ZNF780A: variants seen among roughly 807,000 people sequenced by gnomAD.
The protein encoded by ZNF780A is zinc finger protein 780A.
Under a neutral mutation model 56.7 loss-of-function variants are expected in ZNF780A, and 40 were observed. The observed-to-expected ratio is 0.71, with a 90% CI of 0.55 to 0.92. The LOEUF (loss-of-function observed/expected upper bound fraction) is 0.92. Among genes scored for constraint, ZNF780A ranks in the 40% least tolerant of loss-of-function variants. The pLI is 0.00. For synonymous variants in ZNF780A, 231 were observed against 248.3 expected, an observed-to-expected ratio of 0.93 and a Z score of 0.66; for missense variants, 672 against 783.3, an observed-to-expected ratio of 0.86 and a Z score of 1.70.
intron 4 of ZNF780A, 115 bp downstream of exon 4, chr19:40,082,996 G>C (rs1974567416): frequency 1.3e-6 from 2 of 1,547,574 alleles, no homozygotes; most frequent in Admixed American, 3.5e-5. Context: ...CATTCCTTTG[G>C]GAACAAGAAG....
intron 5 of ZNF780A, 146 bp from the exon 6 acceptor site, chr19:40,076,355 A>C: frequency 1.3e-6 from 1 of 772,502 alleles, no homozygotes; most frequent in Non-Finnish European, 1.9e-6. Context: ...TGGTAGATAG[A>C]ACCTTTCTCA....
chr19:40,087,187 A>T (rs1022970226), intron 2 of ZNF780A, among the ~76,000 whole-genome samples: 5 of 152,210 alleles, frequency 3.3e-5, no homozygotes, highest in African/African-American at 9.7e-5. Context: ...TTTATACAAG[A>T]TCATTTACAA....
At position 40,081,873 on chromosome 19, in the gene ZNF780A, G is replaced by T; in HGVS notation, c.178C>A (p.Gln60Lys). Residue 60 changes from glutamine to lysine, a missense_variant, in exon 5 of 6, where the codon CAA becomes AAA. Gln to Lys is a moderately conservative substitution (Grantham distance 53). Transcript: ENST00000683561. ...SKPDVITLLE[Q>K]EKEPWMVVRK... ...ACAACCATCCAGGGCTCTTTCTCTT[G>T]CTCTAGTAACGTAATTACATCTGGT... 1 of 1,612,376 alleles carries T rather than the reference G, an allele frequency of 6.2e-7. No individual in the cohort carries two copies. The highest frequency in any genetic ancestry group is 8.5e-7 in the Non-Finnish European group (1 of 1,179,116).
chr19:40,088,063 A>G (rs989570255), intron 2 of ZNF780A, among the ~76,000 whole-genome samples: 10 of 152,188 alleles, frequency 6.6e-5, no homozygotes, highest in African/African-American at 2.4e-4. Context: ...AACAAATAGA[A>G]GAAAACATAG....
chr19:40,070,980 A>G (rs1032657480), downstream of ZNF780A: 1 of 152,130 alleles, frequency 6.6e-6, no homozygotes, highest in African/African-American at 2.4e-5. Flanking sequence ...GGAACATGAG[A>G]CTAGAAAGCC....
At chr19:40,085,512 A>C (rs1974745120) in intron 2 of ZNF780A, 1 of 257,402 alleles carries the variant, frequency 3.9e-6, no homozygotes, top group South Asian at 1.5e-4. Flanking sequence ...ATTAATAGAA[A>C]AAAATTTAGA....
intron 2 of ZNF780A, among the ~76,000 whole-genome samples, chr19:40,088,424 T>A (rs1270309068): frequency 6.6e-6 from 1 of 152,056 alleles, no homozygotes; most frequent in Non-Finnish European, 1.5e-5. Flanking sequence ...ACATCACTAA[T>A]CATCAGGGAA....
At chr19:40,078,283 A>G (rs1187728872) in intron 5 of ZNF780A, among the ~76,000 whole-genome samples, 2 of 152,070 alleles carry the variant, frequency 1.3e-5, no homozygotes, top group African/African-American at 4.8e-5. Context: ...AGAAACAAAG[A>G]CCCTATATGG....
Position 40,075,121 on chromosome 19 carries a change from T to G in ZNF780A, c.1321A>C (p.Asn441His), listed in dbSNP as rs767189547. 52 of 1,613,688 alleles carry G rather than the reference T, an allele frequency of 3.2e-5. No homozygotes were observed. The highest frequency in any genetic ancestry group is 1.8e-5 in the Non-Finnish European group (21 of 1,179,930). The change falls in exon 6 of 6, where the codon AAT becomes CAT. Residue 441 changes from asparagine (N) to histidine (H), a missense_variant. Physicochemically the swap from Asn to His is moderately conservative, Grantham distance 68. Transcript: ENST00000683561. Reference sequence around the variant, plus strand: ...TCCCTACATACAAAAGGTTTCTCATTGGAATGAATTTTCTGATGCTGAATA... The same window carrying G: ...TCCCTACATACAAAAGGTTTCTCATGGGAATGAATTTTCTGATGCTGAATA... ...HLIQHQKIHS[N>H]EKPFVCRECE...
rs536658691 is a variant in ZNF780A, at chr19:40,084,188, C to T, written c.9+557G>A. 2.0e-5 allele frequency among the ~76,000 whole-genome samples: 3 copies of T among 152,180 alleles called. No individual in the cohort carries two copies. In the South Asian group the frequency reaches 6.2e-4, roughly 32 times the overall value. ...CCTCCCAAAGTGCTGGGATTGCACG[C>T]GTGAGCCACCATGTCCAGCCAGAGA... On this transcript the variant is annotated intron_variant, in intron 3 of 5. Transcript: ENST00000683561.
chr19:40,076,082 A>T lies in ZNF780A; in HGVS notation c.360T>A (p.Asn120Lys), dbSNP rs1246906101. 1.2e-6 allele frequency: 2 copies of T among 1,613,754 alleles called. No homozygotes were observed. The highest frequency in any genetic ancestry group is 1.7e-6 in the Non-Finnish European group (2 of 1,179,926). The change falls in exon 6 of 6, where the codon AAT becomes AAA. Residue 120 changes from asparagine to lysine, a missense_variant. Physicochemically the swap from Asn to Lys is moderately conservative, Grantham distance 94 (BLOSUM62 0). Coordinates refer to ENST00000683561, the MANE Select transcript of ZNF780A (RefSeq NM_001142578.2). ...TLGIEAFYFR[N>K]DSEYRQFEGL... Reference sequence around the variant, plus strand: ...CCTCAAATTGTCTATATTCTGAGTCATTTCTAAAATAAAAGGCCTCAATGC... The same window carrying T: ...CCTCAAATTGTCTATATTCTGAGTCTTTTCTAAAATAAAAGGCCTCAATGC...
intron 2 of ZNF780A, among the ~76,000 whole-genome samples, chr19:40,085,626 A>T (rs1454231199): frequency 1.3e-5 from 2 of 152,116 alleles, no homozygotes; most frequent in Non-Finnish European, 2.9e-5. Flanking sequence ...TCACACTTGT[A>T]ATCCCAGCAC....
At position 40,083,316 on chromosome 19, in the gene ZNF780A, T is replaced by C. The variant is rs555566058; in HGVS notation, c.10-79A>G. 1.3e-4 allele frequency: 202 copies of C among 1,576,384 alleles called. 1 individual carries two copies. The South Asian group carries it at 2.2e-3, about 17-fold the overall frequency. ...TGAAAGGAGAGGAAGTGAAGGAGTGTAGTGTAAGAAAAAAGCAATATGGAA... is the reference window on the plus strand; with the variant it reads ...TGAAAGGAGAGGAAGTGAAGGAGTGCAGTGTAAGAAAAAAGCAATATGGAA... On this transcript the variant is annotated intron_variant, in intron 3 of 5. Coordinates refer to ENST00000683561, the MANE Select transcript of ZNF780A (RefSeq NM_001142578.2).
chr19:40,074,317 A>G lies in ZNF780A; in HGVS notation c.*199T>C. 8 of 1,507,274 alleles carry G rather than the reference A, an allele frequency of 5.3e-6. No homozygotes were observed. In the South Asian group the frequency reaches 1.1e-4, roughly 21 times the overall value. 93.4% of individuals were successfully genotyped at this position (1,507,274 alleles called of 1,614,324 possible). The stretch of plus-strand genomic sequence containing the variant: ...TGGTAATGTTAAATAAGTGGTAATG[A>G]TATCTAAAGGTCGTCCTCCACTCCT... On this transcript the variant is annotated 3_prime_UTR_variant, in exon 6 of 6. Transcript: ENST00000683561.
chr19:40,076,000 G>T lies in ZNF780A; in HGVS notation c.442C>A (p.Leu148Met). The T allele has an allele frequency of 1.2e-6, 2 of 1,613,466 alleles. No individual in the cohort carries two copies. Among genetic ancestry groups the T allele is most frequent in the Non-Finnish European group, 1.7e-6 (2 of 1,179,772 alleles). ...INQKMISYEK[L>M]PTHTPHASLI... Reference sequence around the variant, plus strand: ...GAAGCATGAGGAGTATGAGTAGGCAGTTTTTCATAGCTGATCATCTTTTGA... The same window carrying T: ...GAAGCATGAGGAGTATGAGTAGGCATTTTTTCATAGCTGATCATCTTTTGA... The change falls in exon 6 of 6, where the codon CTG becomes ATG. Residue 148 changes from leucine (L) to methionine (M), a missense_variant. Leu to Met is a conservative substitution (Grantham distance 15). Transcript: ENST00000683561.
In ZNF780A at chr19:40,075,060, A is replaced by G. The variant is rs556833939; in HGVS notation, c.1382T>C (p.Ile461Thr). 1.3e-4 allele frequency: 215 copies of G among 1,614,194 alleles called. 2 individuals are homozygous for G. In the South Asian group the frequency reaches 2.2e-3, roughly 16 times the overall value. Residue 461 changes from isoleucine to threonine, a missense_variant, in exon 6 of 6, where the codon ATT becomes ACT. Coordinates refer to ENST00000683561, the MANE Select transcript of ZNF780A (RefSeq NM_001142578.2). ...ACCAGTATGAATTCGAGAATGTTCA[A>G]TAAGTTGGCAATGATATCTAAAGGC... ...EMAFRYHCQL[I>T]EHSRIHTGDK...
rs184510786 is a variant in ZNF780A at position 40,073,089 on chromosome 19, C to T, written c.*1427G>A. 530 of 1,320,978 alleles carry T rather than the reference C, an allele frequency of 4.0e-4. 2 individuals are homozygous for T. The African/African-American group carries it at 7.1e-3, about 18-fold the overall frequency. 81.8% of individuals were successfully genotyped at this position (1,320,978 alleles called of 1,614,324 possible). A position where few individuals can be genotyped will look rare whatever the true frequency, so the allele number is the denominator to read the frequency against. On this transcript the variant is annotated 3_prime_UTR_variant, in exon 6 of 6. Transcript: ENST00000683561. The stretch of plus-strand genomic sequence containing the variant: ...TGTCTTCATGTTTGGTTGATACACA[C>T]GTTGATTAAATAAAGGGTAAAGTGT...
chr19:40,074,229 G>A lies in ZNF780A; in HGVS notation c.*287C>T. 1 of 1,438,342 alleles carries A rather than the reference G, an allele frequency of 7.0e-7. No individual in the cohort carries two copies. The highest frequency in any genetic ancestry group is 9.2e-7 in the Non-Finnish European group (1 of 1,088,458). 89.1% of individuals were successfully genotyped at this position (1,438,342 alleles called of 1,614,324 possible). On this transcript the variant is annotated 3_prime_UTR_variant, in exon 6 of 6. Coordinates refer to ENST00000683561, the MANE Select transcript of ZNF780A (RefSeq NM_001142578.2). ...AATGACCTGAAGTCCAGCAAGCTGT[G>A]TCAGAAAACTGAAGGCCTTTCCACA...
rs1163118803 is a variant in ZNF780A, at chr19:40,075,661, T to C, written c.781A>G (p.Ser261Gly). 1 of 1,613,720 alleles carries C rather than the reference T, an allele frequency of 6.2e-7. No individual in the cohort carries two copies. The highest frequency in any genetic ancestry group is 8.5e-7 in the Non-Finnish European group (1 of 1,179,932). Residue 261 changes from serine (S) to glycine (G), a missense_variant, in exon 6 of 6, where the codon AGC (serine) becomes GGC (glycine). By Grantham distance (56) the Ser-to-Gly change is moderately conservative (BLOSUM62 0). Coordinates refer to ENST00000683561, the MANE Select transcript of ZNF780A (RefSeq NM_001142578.2). Reference sequence around the variant, plus strand: ...CTCTGATGTTGAACAAGGTTTGAGCTACGATTAAAGGACTTCCCACATTCC... The same window carrying C: ...CTCTGATGTTGAACAAGGTTTGAGCCACGATTAAAGGACTTCCCACATTCC... ...CKECGKSFNRSSNLVQHQSIH... is the reference protein window; with the variant it reads ...CKECGKSFNRGSNLVQHQSIH...
Sources: gnomAD v4.1 joint callset for allele counts (sites outside exome capture counted in the v4.1 genomes callset) on GRCh38, gnomAD v4.1.1 for gene constraint, MANE v1.5 for transcripts, NCBI Gene and HGNC (gene_info 2026-07-23, HGNC 2026-07-21) for gene names.